NIN: variants seen among roughly 807,000 people sequenced by gnomAD.
The protein encoded by NIN is ninein, also known as glycogen synthase kinase 3 beta-interacting protein.
Under a neutral mutation model 257.6 loss-of-function variants are expected in NIN, and 137 were observed. The observed-to-expected ratio is 0.53, with a 90% CI of 0.46 to 0.61. The LOEUF is 0.61. NIN is among the 20% of genes least tolerant of loss of function. NIN has a pLI of 0.00. For synonymous variants in NIN, 918 were observed against 919.8 expected (o/e 1.00, Z 0.04); for missense variants, 2,439 against 2,501.2 (o/e 0.98, Z 0.53).
intron 5 of NIN, among the ~76,000 whole-genome samples, chr14:50,783,906 G>T (rs1026570220): frequency 9.2e-5 from 14 of 152,106 alleles, no homozygotes; most frequent in African/African-American, 3.1e-4. Context: ...ACACAGATCT[G>T]CCATGAGCAC....
intron 7 of NIN, 122 bp from the exon 8 acceptor site, chr14:50,773,217 C>G: frequency 3.3e-6 from 2 of 613,234 alleles, no homozygotes; most frequent in Non-Finnish European, 2.7e-6. Flanking sequence ...TATAATTATG[C>G]CCCTTTATTC....
At chr14:50,792,067 G>A (rs2043620190) in intron 5 of NIN, 1 of 152,138 alleles carries the variant, frequency 6.6e-6, no homozygotes, top group Admixed American at 6.5e-5. Flanking sequence ...CTCCTTTATT[G>A]GTAGATTATG....
intron 4 of NIN, among the ~76,000 whole-genome samples, chr14:50,803,208 G>A (rs931673110): frequency 2.0e-5 from 3 of 152,144 alleles, no homozygotes; most frequent in African/African-American, 7.2e-5. Flanking sequence ...AAAAAAATGA[G>A]CCAGGCGTAG....
chr14:50,730,859 A>G, intron 28 of NIN: 4 of 1,239,136 alleles, frequency 3.2e-6, no homozygotes, highest in Non-Finnish European at 4.2e-6. Context: ...CAGAAATAAC[A>G]TGAGCAAGGG....
chr14:50,727,477 G>C (rs1439472199), intron 29 of NIN: 1 of 1,187,934 alleles, frequency 8.4e-7, no homozygotes, highest in East Asian at 4.2e-5. Flanking sequence ...GCTGATGTTT[G>C]TGAATTTGAT....
chr14:50,772,909 A>T (rs202067932), intron 8 of NIN, 40 bp downstream of exon 8: 3 of 1,570,266 alleles, frequency 1.9e-6, no homozygotes, highest in East Asian at 4.5e-5. Flanking sequence ...ATGGGTTCTA[A>T]CTTTTATTCA....
chr14:50,754,446 A>G, intron 20 of NIN, 117 bp downstream of exon 20: 6 of 795,774 alleles, frequency 7.5e-6, no homozygotes, highest in East Asian at 2.7e-5. Context: ...AGAATTTACA[A>G]CCTTACCATC....
intron 29 of NIN, chr14:50,727,191 G>A: frequency 1.2e-6 from 1 of 826,734 alleles, no homozygotes; most frequent in Non-Finnish European, 1.5e-6. Context: ...AGAACATAGA[G>A]TTGGCAAAAG....
chr14:50,792,770 A>G lies in NIN; in HGVS notation c.377T>C (p.Ile126Thr). ...CCGCGCTTCTTCATCCAGTGGCTCA[A>G]TCACCGTCACTTCAGGAAACTCCTC... is the stretch of plus-strand genomic sequence containing the variant. ...SVEEFPEVTV[I>T]EPLDEEARPS... The change falls in exon 5 of 31, where the codon ATT becomes ACT. Residue 126 changes from isoleucine (I) to threonine (T), a missense_variant. Physicochemically the swap from Ile to Thr is moderately conservative, Grantham distance 89. This residue lies in a region of NIN where 387 missense variants were observed against 427.3 expected (regional missense o/e 0.91). Transcript: ENST00000530997. The G allele has an allele frequency of 6.2e-7, 1 of 1,614,172 alleles. No individual in the cohort carries two copies. Among genetic ancestry groups the G allele is most frequent in the Non-Finnish European group, 8.5e-7 (1 of 1,180,030 alleles).
At chr14:50,805,187 A>G (rs193298259) in intron 4 of NIN, among the ~76,000 whole-genome samples, 2 of 152,294 alleles carry the variant, frequency 1.3e-5, no homozygotes, top group East Asian at 3.9e-4. Flanking sequence ...ACGTTAGCTA[A>G]TATCTACCCT....
intron 14 of NIN, among the ~76,000 whole-genome samples, chr14:50,765,976 T>A (rs2042469056): frequency 6.6e-6 from 1 of 151,314 alleles, no homozygotes; most frequent in Non-Finnish European, 1.5e-5. Flanking sequence ...ATCAGGTATA[T>A]CTCCCGGTGC....
chr14:50,757,098 TA>T lies in NIN; in HGVS notation c.3931del (p.Tyr1311ThrfsTer6). ...CTCATTTTCTATTTTGACCTCATCG[TA>T]ACTCTTTTCCAGGCTGAGGAATGTT... Reference protein sequence around the residue: ...TETFLSLEKSYDEVKIENEGL... With the variant: ...TETFLSLEKSXDEVKIENEGL... On this transcript the variant is annotated frameshift_variant, in exon 18 of 31. Transcript: ENST00000530997. LOFTEE classifies it high-confidence loss of function. 1.2e-6 allele frequency: 2 copies of T among 1,613,430 alleles called. No homozygotes were observed. The highest frequency in any genetic ancestry group is 1.7e-6 in the Non-Finnish European group (2 of 1,179,768).
At chr14:50,742,996 C>T (rs1239911141) in intron 24 of NIN, among the ~76,000 whole-genome samples, 1 of 152,130 alleles carries the variant, frequency 6.6e-6, no homozygotes, top group Non-Finnish European at 1.5e-5. Context: ...TGGAGTCTCG[C>T]TCTGTCGTGC....
intron 4 of NIN, among the ~76,000 whole-genome samples, chr14:50,803,352 CA>C (rs1462431349): frequency 6.6e-6 from 1 of 151,928 alleles, no homozygotes; most frequent in Non-Finnish European, 1.5e-5. Flanking sequence ...GACTCCATCT[CA>C]AAAAAACAAA....
chr14:50,792,037 T>C (rs2043619164), intron 5 of NIN: 1 of 152,132 alleles, frequency 6.6e-6, no homozygotes, highest in South Asian at 2.1e-4. Flanking sequence ...AAAGAAAGAA[T>C]AAAGAAAATG....
At chr14:50,822,815 C>T (rs2045288675) in intron 2 of NIN, among the ~76,000 whole-genome samples, 1 of 152,220 alleles carries the variant, frequency 6.6e-6, no homozygotes, top group Non-Finnish European at 1.5e-5. Context: ...TTCCCAGAAG[C>T]TTGCTTTAGT....
chr14:50,759,563 G>C (rs1260820391), intron 17 of NIN, among the ~76,000 whole-genome samples: 1 of 151,302 alleles, frequency 6.6e-6, no homozygotes, highest in Non-Finnish European at 1.5e-5. Context: ...GCGCGATCTC[G>C]GCTCACTGCA....
At chr14:50,793,726 C>T (rs2043704185) in intron 4 of NIN, among the ~76,000 whole-genome samples, 1 of 150,558 alleles carries the variant, frequency 6.6e-6, no homozygotes, top group African/African-American at 2.5e-5. Flanking sequence ...CCACTGCCAT[C>T]ACCACCACCA....
chr14:50,782,461 G>A (rs1440895839), intron 5 of NIN, among the ~76,000 whole-genome samples: 4 of 152,092 alleles, frequency 2.6e-5, no homozygotes, highest in Admixed American at 6.5e-5. Context: ...ATGTAGGAAC[G>A]TGGAAAAACA....
Sources: allele counts gnomAD v4.1 joint callset (sites outside exome capture counted in the v4.1 genomes callset), GRCh38; gene constraint gnomAD v4.1.1; regional missense constraint gnomAD v4.1.1; transcripts MANE v1.5; gene names NCBI Gene and HGNC (gene_info 2026-07-23, HGNC 2026-07-21).